The following ASH1L variants were observed in gnomAD, a reference collection of about 807,000 sequenced individuals.
The protein encoded by ASH1L is ASH1 like histone lysine methyltransferase.
A neutral mutation model predicts 269.0 loss-of-function variants in ASH1L; 23 were observed. The observed-to-expected ratio is 0.09, with a 90% confidence interval of 0.06 to 0.12. The LOEUF is 0.12. ASH1L is among the 10% of genes least tolerant of loss of function. The probability of loss-of-function intolerance (pLI) is 1.00; values close to 1 mark genes in which losing one functional copy is unlikely to be tolerated. For synonymous variants in ASH1L, 1,187 were observed against 1,253.5 expected, an observed-to-expected ratio of 0.95 and a Z score of 1.12; for missense variants, 2,912 against 3,567.8, an observed-to-expected ratio of 0.82 and a Z score of 4.68.
At chr1:155,490,968 C>CAAAAAAAAAAAAAAAAAAAAAAAAAAA (rs767615285) in intron 2 of ASH1L, among the ~76,000 whole-genome samples, 1 of 61,380 alleles carries the variant, frequency 1.6e-5, no homozygotes, top group South Asian at 6.5e-4. Flanking sequence ...ACCCTGATTC[C>CAAAAAAAAAAAAAAAAAAAAAAAAAAA]AAAAAAAAAA....
At chr1:155,514,473 G>GGTTAT (rs1226591980) in intron 2 of ASH1L, among the ~76,000 whole-genome samples, 10 of 152,022 alleles carry the variant, frequency 6.6e-5, no homozygotes, top group Non-Finnish European at 1.5e-4. Context: ...TCTTAAATGT[G>GGTTAT]GTTATGTTAT....
chr1:155,467,155 T>C (rs1232097632), intron 3 of ASH1L, among the ~76,000 whole-genome samples: 1 of 152,210 alleles, frequency 6.6e-6, no homozygotes, highest in Non-Finnish European at 1.5e-5. Flanking sequence ...AATTTTAGAA[T>C]CCAGGTTTGT....
intron 1 of ASH1L, among the ~76,000 whole-genome samples, chr1:155,550,631 G>T (rs1294644658): frequency 6.6e-6 from 1 of 152,116 alleles, no homozygotes; most frequent in Non-Finnish European, 1.5e-5. Flanking sequence ...TGAAATATTA[G>T]TGCCTCAGAG....
chr1:155,401,110 G>A (rs1558065822), intron 6 of ASH1L, among the ~76,000 whole-genome samples: 1 of 151,644 alleles, frequency 6.6e-6, no homozygotes, highest in South Asian at 2.1e-4. Flanking sequence ...GCAGTGAGCT[G>A]AGATCGTGCC....
intron 6 of ASH1L, among the ~76,000 whole-genome samples, chr1:155,395,829 C>G (rs573646153): frequency 6.6e-6 from 1 of 152,050 alleles, no homozygotes; most frequent in Non-Finnish European, 1.5e-5. Context: ...GAGACCCTGT[C>G]TCTACTTTTA....
rs1419660555 is a variant in ASH1L, at chr1:155,479,664, C to A, written c.3206G>T (p.Ser1069Ile). 1 of 1,614,172 alleles carries A rather than the reference C, an allele frequency of 6.2e-7. No individual in the cohort carries two copies. Among genetic ancestry groups the A allele is most frequent in the Non-Finnish European group, 8.5e-7 (1 of 1,180,010 alleles). ...LNGILSGSPT[S>I]LAVLEQTAQQ... ...AGCTGTTTGCTCAAGAACAGCAAGG[C>A]TAGTAGGACTACCAGAAAGAATACC... is the stretch of plus-strand genomic sequence containing the variant. The change falls in exon 3 of 28, where the codon AGC becomes ATC. Residue 1069 changes from serine (S) to isoleucine (I), a missense_variant. Physicochemically the swap from Ser to Ile is moderately radical, Grantham distance 142 (BLOSUM62 -2). Coordinates refer to ENST00000392403, the MANE Select transcript of ASH1L (RefSeq NM_018489.3).
At chr1:155,462,693 C>T (rs1045691359) in intron 3 of ASH1L, among the ~76,000 whole-genome samples, 2 of 152,176 alleles carry the variant, frequency 1.3e-5, no homozygotes. Context: ...GCAGCCTATT[C>T]TTAGGATTTA....
chr1:155,474,636 T>C (rs1026754649), intron 3 of ASH1L, among the ~76,000 whole-genome samples: 2 of 152,114 alleles, frequency 1.3e-5, no homozygotes, highest in African/African-American at 2.4e-5. Flanking sequence ...AGGAAACAGG[T>C]TGCAGTGAGC....
At chr1:155,517,432 C>A (rs1344632041) in intron 2 of ASH1L, among the ~76,000 whole-genome samples, 1 of 152,086 alleles carries the variant, frequency 6.6e-6, no homozygotes, top group Non-Finnish European at 1.5e-5. Context: ...AGTTTGAGAC[C>A]AGCCTGGCCA....
At chr1:155,412,829 T>A (rs1301494723) in intron 6 of ASH1L, among the ~76,000 whole-genome samples, 2 of 151,680 alleles carry the variant, frequency 1.3e-5, no homozygotes, top group Non-Finnish European at 2.9e-5. Flanking sequence ...GACACCCAGC[T>A]GCTGCCTATT....
Position 155,357,226 on chromosome 1 carries a change from G to A in ASH1L, c.7055+90C>T, listed in dbSNP as rs751060148. On this transcript the variant is annotated intron_variant, in intron 15 of 27. Transcript: ENST00000392403. ...CTTTGGCTTAAGACAAAAGAAAGTG[G>A]ATCAACAATATAGAAGTTTCATAAT... The A allele has an allele frequency of 6.1e-5, 62 of 1,014,970 alleles. No homozygotes were observed. The Admixed American group carries it at 9.9e-4, about 16-fold the overall frequency. The allele number at this position is 1,014,970 out of a possible 1,614,324, so 62.9% of individuals were successfully genotyped here. A position where few individuals can be genotyped will look rare whatever the true frequency, so the allele number is the denominator to read the frequency against.
rs1667681143 is a variant in ASH1L, at chr1:155,504,240, A to AT, written c.420+16859_420+16860insA. On this transcript the variant is annotated intron_variant, in intron 2 of 27. Coordinates refer to ENST00000392403, the MANE Select transcript of ASH1L (RefSeq NM_018489.3). ...TATTTTTTAGTGGTTAGTTTAAAAA[A>AT]ATATATACACATACGGAGAATCTTC... 2.0e-5 allele frequency among the ~76,000 whole-genome samples: 3 copies of AT among 152,212 alleles called. No homozygotes were observed. The South Asian group carries it at 6.2e-4, about 31-fold the overall frequency.
Position 155,478,851 on chromosome 1 carries a change from T to C in ASH1L, c.4019A>G (p.Tyr1340Cys), listed in dbSNP as rs1665755648. 3 of 1,614,044 alleles carry C rather than the reference T, an allele frequency of 1.9e-6. No homozygotes were observed. The highest frequency in any genetic ancestry group is 2.5e-6 in the Non-Finnish European group (3 of 1,180,024). ...HPSFPLDPLHYIRKPDLKKKR... is the reference protein window; with the variant it reads ...HPSFPLDPLHCIRKPDLKKKR... The stretch of plus-strand genomic sequence containing the variant: ...CTTTTTTAAGTCAGGTTTTCGAATG[T>C]AGTGCAAAGGGTCTAAGGGGAAAGA... The change falls in exon 3 of 28, where the codon TAC becomes TGC. Residue 1340 changes from tyrosine to cysteine, a missense_variant. This residue lies in a region of ASH1L where 789 missense variants were observed against 897.6 expected (regional missense o/e 0.88). Coordinates refer to ENST00000392403, the MANE Select transcript of ASH1L (RefSeq NM_018489.3). This position sits in a 1 kb window ranked among gnomAD's most constrained non-coding sequence, Gnocchi z 4.6.
intron 3 of ASH1L, among the ~76,000 whole-genome samples, chr1:155,464,756 T>C (rs945667442): frequency 1.7e-4 from 26 of 152,170 alleles, no homozygotes; most frequent in Non-Finnish European, 2.4e-4. Context: ...TTATAGACTC[T>C]CTGGATTTTA....
At position 155,562,736 on chromosome 1, in the gene ASH1L, C is replaced by G. The variant is rs1480042391; in HGVS notation, c.-683G>C. 7.6e-7 allele frequency: 1 copy of G among 1,317,754 alleles called. No homozygotes were observed. Among genetic ancestry groups the G allele is most frequent in the East Asian group, 2.6e-5 (1 of 38,796 alleles). The allele number at this position is 1,317,754 out of a possible 1,614,324, so 81.6% of individuals were successfully genotyped here. A position where few individuals can be genotyped will look rare whatever the true frequency, so the allele number is the denominator to read the frequency against. On this transcript the variant is annotated 5_prime_UTR_variant, in exon 1 of 28. Transcript: ENST00000392403. ...CCTCGTCCAGTCCCTCACTACCCCT[C>G]AGGCCCTGTCAAGCCGGCGCCGGCG...
chr1:155,424,014 C>T (rs552038127), intron 5 of ASH1L, among the ~76,000 whole-genome samples: 1 of 152,272 alleles, frequency 6.6e-6, no homozygotes, highest in East Asian at 1.9e-4. Flanking sequence ...TGCGAGCCAC[C>T]GTGCCCGGCC....
At chr1:155,466,182 G>A (rs976096972) in intron 3 of ASH1L, among the ~76,000 whole-genome samples, 72 of 151,980 alleles carry the variant, frequency 4.7e-4, no homozygotes, top group African/African-American at 1.7e-3. Context: ...GTGAAACCCC[G>A]TCTCTACTAA....
intron 2 of ASH1L, among the ~76,000 whole-genome samples, chr1:155,500,520 C>G (rs1667434757): frequency 6.6e-6 from 1 of 151,688 alleles, no homozygotes; most frequent in Non-Finnish European, 1.5e-5. Flanking sequence ...ACGCAGCAGT[C>G]AAATAATGTA....
At chr1:155,513,460 A>G (rs1467376470) in intron 2 of ASH1L, among the ~76,000 whole-genome samples, 1 of 151,098 alleles carries the variant, frequency 6.6e-6, no homozygotes, top group African/African-American at 2.4e-5. Context: ...TAGCCGGTCT[A>G]CTCAAGAGGC....
Sources: gnomAD v4.1 joint callset for allele counts (sites outside exome capture counted in the v4.1 genomes callset) on GRCh38, gnomAD v4.1.1 for gene constraint, gnomAD v4.1.1 regional missense constraint, Gnocchi (gnomAD v3.1) non-coding constraint, MANE v1.5 for transcripts, NCBI Gene and HGNC (gene_info 2026-07-23, HGNC 2026-07-21) for gene names.